ATXN7L1: variants seen among roughly 807,000 people sequenced by gnomAD.
The protein encoded by ATXN7L1 is ataxin 7 like 1.
Under a neutral mutation model 70.8 loss-of-function variants are expected in ATXN7L1, and 15 were observed. The ratio of observed to expected loss-of-function variants is 0.21; its 90% CI spans 0.14 to 0.33. The LOEUF (loss-of-function observed/expected upper bound fraction) is 0.33. ATXN7L1 is among the 10% of genes least tolerant of loss of function. The pLI, the probability that ATXN7L1 is intolerant of heterozygous loss-of-function variation, is 1.00. For missense variants in ATXN7L1, 975 were observed against 1,097.1 expected (o/e 0.89, Z 1.57); for synonymous variants, 440 against 445.1 (o/e 0.99, Z 0.14).
chr7:105,722,641 G>A (rs1267272659), intron 3 of ATXN7L1, among the ~76,000 whole-genome samples: 1 of 149,538 alleles, frequency 6.7e-6, no homozygotes, highest in Non-Finnish European at 1.5e-5. Flanking sequence ...CACTTTGGGA[G>A]GCTGAGGTGG....
At chr7:105,630,719 A>T (rs1020362545) in intron 7 of ATXN7L1, among the ~76,000 whole-genome samples, 17 of 148,618 alleles carry the variant, frequency 1.1e-4, no homozygotes, top group Admixed American at 8.8e-4. Context: ...CCTGTCTCAA[A>T]AAATAAATAA....
At chr7:105,638,270 A>T (rs1797674694) in intron 7 of ATXN7L1, 83 bp downstream of exon 7, 2 of 1,434,392 alleles carry the variant, frequency 1.4e-6, no homozygotes, top group Admixed American at 5.2e-5. Context: ...CATTTAACAT[A>T]TAATCAGACC....
chr7:105,697,613 T>G (rs894081486), intron 3 of ATXN7L1, among the ~76,000 whole-genome samples: 3 of 152,140 alleles, frequency 2.0e-5, no homozygotes, highest in African/African-American at 7.2e-5. Context: ...GCGACATACA[T>G]CCTTCTCGGC....
At chr7:105,680,810 G>A (rs1348558523) in intron 3 of ATXN7L1, among the ~76,000 whole-genome samples, 2 of 152,210 alleles carry the variant, frequency 1.3e-5, no homozygotes, top group South Asian at 2.1e-4. Flanking sequence ...AGAGAAAAAC[G>A]TGAGTTGCTT....
At chr7:105,659,068 T>C (rs590966) in intron 4 of ATXN7L1, among the ~76,000 whole-genome samples, 136,845 of 152,180 alleles carry the variant, frequency 0.9, 61,694 homozygotes, top group African/African-American at 0.95. Context: ...ACCTGTGTGA[T>C]AGAGGTTGCA....
rs565545749 is a variant in ATXN7L1 at position 105,785,474 on chromosome 7, CAA to C, written c.355+3128_355+3129del. Among the ~76,000 whole-genome samples, 3 of 152,110 alleles carry C rather than the reference CAA, an allele frequency of 2.0e-5. No homozygotes were observed. In the South Asian group the frequency reaches 6.2e-4, roughly 32 times the overall value. ...GTCTGACTCAAAAAAAAACAAAACCCAAAAGACAAAACGAAACAAATAACAGA... is the reference window on the plus strand; with the variant it reads ...GTCTGACTCAAAAAAAAACAAAACCCAAGACAAAACGAAACAAATAACAGA... On this transcript the variant is annotated intron_variant, in intron 3 of 11. Coordinates refer to ENST00000419735, the MANE Select transcript of ATXN7L1 (RefSeq NM_020725.2).
chr7:105,819,476 CAGG>C, intron 2 of ATXN7L1: 1 of 772,196 alleles, frequency 1.3e-6, no homozygotes, highest in South Asian at 1.4e-5. Context: ...TGTCCTTTCC[CAGG>C]GGGCTGCTGA....
chr7:105,692,840 C>T (rs1481232241), intron 3 of ATXN7L1, among the ~76,000 whole-genome samples: 3 of 150,140 alleles, frequency 2.0e-5, no homozygotes, highest in Non-Finnish European at 4.5e-5. Context: ...TGGGCTCAAG[C>T]GATCCTCCCG....
intron 4 of ATXN7L1, among the ~76,000 whole-genome samples, chr7:105,650,170 G>A (rs1799631942): frequency 6.6e-6 from 1 of 152,182 alleles, no homozygotes; most frequent in African/African-American, 2.4e-5. Context: ...AGAAGTCTGA[G>A]GGGCAGGCAA....
At chr7:105,819,407 T>G in intron 2 of ATXN7L1, 1 of 536,058 alleles carries the variant, frequency 1.9e-6, no homozygotes, top group Non-Finnish European at 3.4e-6. Context: ...AATTTAAAAT[T>G]AGAGCAAAGC....
chr7:105,850,646 C>A (rs748956642), intron 2 of ATXN7L1, among the ~76,000 whole-genome samples: 5 of 152,206 alleles, frequency 3.3e-5, no homozygotes, highest in Admixed American at 3.3e-4. Context: ...GAGCACAGAG[C>A]GAGCATGGGC....
rs71155469 is a variant in ATXN7L1, at chr7:105,671,104, CAAA to C, written c.356-5819_356-5817del. Among the ~76,000 whole-genome samples the C allele has an allele frequency of 6.6e-4, 59 of 89,706 alleles. 7 individuals are homozygous for C. The highest frequency in any genetic ancestry group is 2.0e-3 in the African/African-American group (50 of 24,592). The allele number at this position is 89,706 out of a possible 152,430, so 58.9% of individuals were successfully genotyped here. A position where few individuals can be genotyped will look rare whatever the true frequency, so the allele number is the denominator to read the frequency against. Reference sequence around the variant, plus strand: ...CCTGGGCGACAGCGAGACTACGTCTCAAAAAAAAAAAAAAAAAAAAAAAAAAAA... The same window carrying C: ...CCTGGGCGACAGCGAGACTACGTCTCAAAAAAAAAAAAAAAAAAAAAAAAA... On this transcript the variant is annotated intron_variant, in intron 3 of 11. Transcript: ENST00000419735.
At position 105,624,771 on chromosome 7, in the gene ATXN7L1, C is replaced by T. The variant is rs544611903; in HGVS notation, c.1203-504G>A. Among the ~76,000 whole-genome samples the T allele has an allele frequency of 3.9e-5, 6 of 152,296 alleles. No individual in the cohort carries two copies. The East Asian group carries it at 1.2e-3, about 29-fold the overall frequency. On this transcript the variant is annotated intron_variant, in intron 7 of 11. Coordinates refer to ENST00000419735, the MANE Select transcript of ATXN7L1 (RefSeq NM_020725.2). Reference sequence around the variant, plus strand: ...AGGGTTTGCAGTGACCAGCTCTCTCCAGTGACACAGTCAAGTTAGGTTCTG... The same window carrying T: ...AGGGTTTGCAGTGACCAGCTCTCTCTAGTGACACAGTCAAGTTAGGTTCTG...
In ATXN7L1 at chr7:105,614,684, C is replaced by T. The variant is rs1380202376; in HGVS notation, c.1650G>A (p.Ser550=). ...TCATTATGTAAGAAGAGGTGAGCCT[C>T]GAGCTGATGGGAGCTGAAGGAAGAT... is the stretch of plus-strand genomic sequence containing the variant. ...AVYLPSAPIS[S]RLTSSYIMTS... Residue 550 remains serine, a synonymous_variant, in exon 10 of 12, where the codon TCG becomes TCA. Transcript: ENST00000419735. This position sits in a 1 kb window ranked among gnomAD's most constrained non-coding sequence, Gnocchi z 4.3. 5 of 1,551,474 alleles carry T rather than the reference C, an allele frequency of 3.2e-6. No homozygotes were observed. The highest frequency in any genetic ancestry group is 3.5e-6 in the Non-Finnish European group (4 of 1,147,010).
At position 105,613,892 on chromosome 7, in the gene ATXN7L1, G is replaced by A. The variant is rs776088592; in HGVS notation, c.2442C>T (p.Pro814=). 1.4e-5 allele frequency: 21 copies of A among 1,551,892 alleles called. No individual in the cohort carries two copies. The Middle Eastern group carries it at 5.0e-4, about 37-fold the overall frequency. The change falls in exon 10 of 12, where the codon CCC becomes CCT. Residue 814 remains proline (P), a synonymous_variant. Coordinates refer to ENST00000419735, the MANE Select transcript of ATXN7L1 (RefSeq NM_020725.2). ...KNPPSLLAPV[P]DPVNSTSSRQ... ...GAGAGGAGGTGCTGTTAACGGGATC[G>A]GGCACCGGTGCGAGAAGGCTGGGCG...
At chr7:105,769,967 T>C (rs1441362684) in intron 3 of ATXN7L1, among the ~76,000 whole-genome samples, 1 of 152,220 alleles carries the variant, frequency 6.6e-6, no homozygotes, top group Non-Finnish European at 1.5e-5. Flanking sequence ...GCTCGTGGCA[T>C]TCGGCGTAAA....
chr7:105,732,366 T>C (rs986988549), intron 3 of ATXN7L1, among the ~76,000 whole-genome samples: 5 of 152,176 alleles, frequency 3.3e-5, no homozygotes, highest in South Asian at 2.1e-4. Flanking sequence ...TGAGCTGATA[T>C]TGCTCCCCTG....
At chr7:105,828,213 C>T (rs776075626) in intron 2 of ATXN7L1, among the ~76,000 whole-genome samples, 17 of 152,112 alleles carry the variant, frequency 1.1e-4, no homozygotes, top group Admixed American at 6.5e-5. Flanking sequence ...ATGTGGCTCA[C>T]AGTTTAGGAT....
intron 2 of ATXN7L1, among the ~76,000 whole-genome samples, chr7:105,858,453 G>T (rs969166165): frequency 1.3e-5 from 2 of 152,142 alleles, no homozygotes; most frequent in African/African-American, 2.4e-5. Flanking sequence ...AATCCCCAAA[G>T]AAATAACTGA....
Sources: gnomAD v4.1 joint callset for allele counts (sites outside exome capture counted in the v4.1 genomes callset) on GRCh38, gnomAD v4.1.1 for gene constraint, Gnocchi (gnomAD v3.1) non-coding constraint, MANE v1.5 for transcripts, NCBI Gene and HGNC (gene_info 2026-07-23, HGNC 2026-07-21) for gene names.